PPARGC1A: variants seen among roughly 807,000 people sequenced by gnomAD.
PPARGC1A encodes PPARG coactivator 1 alpha, also known as peroxisome proliferator-activated receptor gamma coactivator 1-alpha.
A neutral mutation model predicts 88.7 loss-of-function variants in PPARGC1A; 25 were observed. The ratio of observed to expected loss-of-function variants is 0.28; its 90% CI spans 0.21 to 0.39. PPARGC1A has a LOEUF of 0.39. PPARGC1A is among the 10% of genes least tolerant of loss of function. The pLI, the probability that PPARGC1A is intolerant of heterozygous loss-of-function variation, is 1.00. For synonymous variants in PPARGC1A, 363 were observed against 355.6 expected (o/e 1.02, Z -0.24); for missense variants, 880 against 968.7 (o/e 0.91, Z 1.22).
chr4:24,064,363 G>A, the PPARGC1A span, among the ~76,000 whole-genome samples: 51 of 152,216 alleles, frequency 3.4e-4, no homozygotes, highest in Middle Eastern at 3.4e-3. Flanking sequence ...GGGACCAGTG[G>A]GGCCCACTGG....
At chr4:24,230,113 TG>T in the PPARGC1A span, among the ~76,000 whole-genome samples, 1 of 152,168 alleles carries the variant, frequency 6.6e-6, no homozygotes, top group Non-Finnish European at 1.5e-5. Flanking sequence ...TTAACTAGAC[TG>T]GGGTTATTAC....
the PPARGC1A span, among the ~76,000 whole-genome samples, chr4:24,180,655 C>CT: frequency 6.6e-5 from 10 of 152,100 alleles, no homozygotes; most frequent in Non-Finnish European, 1.3e-4. Context: ...TCCCCACTGA[C>CT]TTTTTTACTC....
At chr4:24,274,819 T>A in the PPARGC1A span, among the ~76,000 whole-genome samples, 3 of 151,314 alleles carry the variant, frequency 2.0e-5, no homozygotes, top group Admixed American at 6.6e-5. Context: ...CATTTTTTTT[T>A]AAATTAAATG....
At chr4:24,253,750 G>C in the PPARGC1A span, among the ~76,000 whole-genome samples, 1 of 152,182 alleles carries the variant, frequency 6.6e-6, no homozygotes, top group African/African-American at 2.4e-5. Context: ...GCCAGCCCTA[G>C]TGTTCAACAA....
chr4:23,999,993 C>G, the PPARGC1A span, among the ~76,000 whole-genome samples: 5 of 152,100 alleles, frequency 3.3e-5, no homozygotes, highest in Non-Finnish European at 5.9e-5. Context: ...AAAATGCTCT[C>G]GGGTGAGGCA....
chr4:24,185,325 G>T, the PPARGC1A span, among the ~76,000 whole-genome samples: 2 of 152,182 alleles, frequency 1.3e-5, no homozygotes, highest in African/African-American at 4.8e-5. Flanking sequence ...GAAACAGAGA[G>T]GTGGATGATT....
chr4:24,454,998 T>C, the PPARGC1A span, among the ~76,000 whole-genome samples: 2 of 151,754 alleles, frequency 1.3e-5, no homozygotes, highest in Non-Finnish European at 2.9e-5. Context: ...GGAAAGTCAA[T>C]TAGGGAGAAG....
chr4:24,201,322 G>C, the PPARGC1A span, among the ~76,000 whole-genome samples: 72 of 152,298 alleles, frequency 4.7e-4, 1 homozygote, highest in African/African-American at 1.6e-3. Context: ...TGAGGACAAG[G>C]GGCCAAAAGT....
At chr4:24,020,844 C>A in the PPARGC1A span, among the ~76,000 whole-genome samples, 2 of 152,160 alleles carry the variant, frequency 1.3e-5, no homozygotes, top group African/African-American at 4.8e-5. Context: ...GTACTTTGTA[C>A]TTTTCTTCGT....
chr4:24,096,951 A>C, the PPARGC1A span, among the ~76,000 whole-genome samples: 1 of 152,196 alleles, frequency 6.6e-6, no homozygotes, highest in African/African-American at 2.4e-5. Context: ...GGGTTAAGCC[A>C]GGCACAGTGA....
At chr4:24,043,108 T>C in the PPARGC1A span, among the ~76,000 whole-genome samples, 1 of 152,170 alleles carries the variant, frequency 6.6e-6, no homozygotes, top group African/African-American at 2.4e-5. Flanking sequence ...TCCTTCTTCC[T>C]TTCCCCACAC....
At chr4:24,196,076 A>G in the PPARGC1A span, among the ~76,000 whole-genome samples, 4 of 152,226 alleles carry the variant, frequency 2.6e-5, no homozygotes, top group African/African-American at 9.6e-5. Context: ...GCTCAGGAAT[A>G]GAGAGAGGAT....
chr4:24,140,778 A>C, the PPARGC1A span, among the ~76,000 whole-genome samples: 125 of 152,066 alleles, frequency 8.2e-4, no homozygotes, highest in African/African-American at 2.7e-3. Context: ...ATTCATTCAA[A>C]CCCCCAGCTC....
At chr4:24,055,345 C>A in the PPARGC1A span, among the ~76,000 whole-genome samples, 1 of 152,108 alleles carries the variant, frequency 6.6e-6, no homozygotes, top group African/African-American at 2.4e-5. Context: ...AGGTCTGGAT[C>A]CTGATGAAAC....
chr4:23,921,823 TAAAAGGAAAC>T, the PPARGC1A span, among the ~76,000 whole-genome samples: 1 of 152,182 alleles, frequency 6.6e-6, no homozygotes, highest in Non-Finnish European at 1.5e-5. Flanking sequence ...TTCTGTGGTT[TAAAAGGAAAC>T]ATGGCATTCA....
the PPARGC1A span, among the ~76,000 whole-genome samples, chr4:24,399,948 G>A: frequency 6.6e-6 from 1 of 151,976 alleles, no homozygotes; most frequent in Admixed American, 6.6e-5. Context: ...ACCACACCTG[G>A]CTAATTTTTG....
At chr4:23,858,289 T>A (rs992697154) in intron 2 of PPARGC1A, among the ~76,000 whole-genome samples, 1 of 152,172 alleles carries the variant, frequency 6.6e-6, no homozygotes, top group Admixed American at 6.5e-5. Context: ...GGCAGGATTT[T>A]TTTTACTCCC....
At chr4:23,973,395 T>G in the PPARGC1A span, among the ~76,000 whole-genome samples, 2 of 152,198 alleles carry the variant, frequency 1.3e-5, no homozygotes, top group African/African-American at 4.8e-5. Context: ...ATCATAAAAT[T>G]TATATTGGGC....
At chr4:24,128,229 C>T in the PPARGC1A span, among the ~76,000 whole-genome samples, 1 of 152,162 alleles carries the variant, frequency 6.6e-6, no homozygotes, top group African/African-American at 2.4e-5. Flanking sequence ...CTCACCAGCT[C>T]TGGGCCAATT....
Sources: gnomAD v4.1 joint callset for allele counts (sites outside exome capture counted in the v4.1 genomes callset) on GRCh38, gnomAD v4.1.1 for gene constraint, MANE v1.5 for transcripts, NCBI Gene and HGNC (gene_info 2026-07-23, HGNC 2026-07-21) for gene names.